Variants in ERBB4 observed in about 807,000 individuals in gnomAD.
ERBB4 encodes the protein erb-b2 receptor tyrosine kinase 4.
ERBB4 carries 42 observed loss-of-function variants against 158.0 expected under a neutral mutation model. The ratio of observed to expected loss-of-function variants is 0.27; its 90% CI spans 0.21 to 0.34. The LOEUF is 0.34. ERBB4 is among the 10% of genes least tolerant of loss of function. The pLI, the probability that ERBB4 is intolerant of heterozygous loss-of-function variation, is 1.00. For synonymous variants in ERBB4, 583 were observed against 558.7 expected, an observed-to-expected ratio of 1.04 and a Z score of -0.61; for missense variants, 1,333 against 1,624.1, an observed-to-expected ratio of 0.82 and a Z score of 3.08.
At chr2:212,398,605 G>C (rs1052958639) in intron 1 of ERBB4, among the ~76,000 whole-genome samples, 1 of 152,118 alleles carries the variant, frequency 6.6e-6, no homozygotes, top group Admixed American at 6.6e-5. Context: ...TTTATTGCTA[G>C]ATTTGCTTAT....
chr2:211,987,341 A>AAAAAAGAAAG (rs1215048952), intron 2 of ERBB4, among the ~76,000 whole-genome samples: 16 of 124,418 alleles, frequency 1.3e-4, no homozygotes, highest in South Asian at 2.8e-4. Flanking sequence ...AAAAAAAAAA[A>AAAAAAGAAAG]AAAGAAAGAA....
At chr2:212,042,929 T>G (rs1015607801) in intron 2 of ERBB4, among the ~76,000 whole-genome samples, 4 of 152,176 alleles carry the variant, frequency 2.6e-5, no homozygotes, top group Non-Finnish European at 5.9e-5. Flanking sequence ...AAAGTGGAAT[T>G]CATTTTACAA....
chr2:212,258,190 TA>T lies in ERBB4; in HGVS notation c.83-133288del, dbSNP rs1205122247. On this transcript the variant is annotated intron_variant, in intron 1 of 27. Transcript: ENST00000342788. ...TTTAAAAAAATTTCAAGGTTCTGAATACCCTAAAAGTATTAGATAATTTCAT... is the reference window on the plus strand; with the variant it reads ...TTTAAAAAAATTTCAAGGTTCTGAATCCCTAAAAGTATTAGATAATTTCAT... 3.2e-4 allele frequency among the ~76,000 whole-genome samples: 48 copies of T among 152,240 alleles called. 1 individual carries two copies. Among genetic ancestry groups the T allele is most frequent in the African/African-American group, 1.1e-3 (44 of 41,576 alleles).
At position 211,733,994 on chromosome 2, in the gene ERBB4, A is replaced by G. The variant is rs140871057; in HGVS notation, c.623-8800T>C. On this transcript the variant is annotated intron_variant, in intron 5 of 27. Transcript: ENST00000342788. ...GAGACTGAGGTTGCAGCGAGCTGAG[A>G]TCATGCCACTGTCCTCCAGCCTGGG... 5.9e-3 allele frequency among the ~76,000 whole-genome samples: 900 copies of G among 152,260 alleles called. 7 individuals are homozygous for G. The highest frequency in any genetic ancestry group is 0.01 in the Non-Finnish European group (698 of 68,012).
At chr2:211,512,301 T>C (rs777047192) in intron 20 of ERBB4, among the ~76,000 whole-genome samples, 6 of 152,112 alleles carry the variant, frequency 3.9e-5, no homozygotes, top group Non-Finnish European at 8.8e-5. Context: ...CCACCATTAA[T>C]GTCATCCTAT....
At chr2:211,606,781 A>G (rs550768281) in intron 19 of ERBB4, among the ~76,000 whole-genome samples, 1 of 152,320 alleles carries the variant, frequency 6.6e-6, no homozygotes, top group African/African-American at 2.4e-5. Flanking sequence ...TTCTTTCGTA[A>G]GAGTATAGTA....
At chr2:212,533,495 C>T (rs1384293) in intron 1 of ERBB4, among the ~76,000 whole-genome samples, 91,963 of 152,090 alleles carry the variant, frequency 0.6, 29,806 homozygotes, top group African/African-American at 0.84. Context: ...AATGTGACTA[C>T]GTCCCATGTC....
rs993229290 is a variant in ERBB4, at chr2:211,810,746, C to G, written c.422-22587G>C. On this transcript the variant is annotated intron_variant, in intron 3 of 27. Transcript: ENST00000342788. ...GGACTGCAGTGGCGCAATCTCGGCT[C>G]ACTGCAAGCTCCGCTTCCCGGGTTC... 1.0e-3 allele frequency among the ~76,000 whole-genome samples: 149 copies of G among 146,858 alleles called. 1 individual carries two copies. The highest frequency in any genetic ancestry group is 1.3e-4 in the Non-Finnish European group (9 of 67,294).
intron 20 of ERBB4, among the ~76,000 whole-genome samples, chr2:211,546,333 G>T (rs1409433833): frequency 6.6e-6 from 1 of 152,006 alleles, no homozygotes; most frequent in African/African-American, 2.4e-5. Context: ...ATATTTATGT[G>T]TATATGCATG....
intron 1 of ERBB4, among the ~76,000 whole-genome samples, chr2:212,455,965 T>A (rs1688269765): frequency 6.6e-6 from 1 of 152,106 alleles, no homozygotes; most frequent in African/African-American, 2.4e-5. Flanking sequence ...TTTAACGTAA[T>A]GGCTTCTTCC....
At chr2:211,945,615 A>G (rs1489520893) in intron 3 of ERBB4, among the ~76,000 whole-genome samples, 1 of 152,082 alleles carries the variant, frequency 6.6e-6, no homozygotes. Context: ...TAATAGTGTT[A>G]TATTTTGGTA....
At chr2:211,466,580 C>T (rs985812354) in intron 20 of ERBB4, among the ~76,000 whole-genome samples, 1 of 152,020 alleles carries the variant, frequency 6.6e-6, no homozygotes, top group African/African-American at 2.4e-5. Flanking sequence ...GTTCAGTATG[C>T]CTGAAACACT....
At chr2:212,148,643 A>G (rs1412192537) in intron 1 of ERBB4, among the ~76,000 whole-genome samples, 2 of 152,190 alleles carry the variant, frequency 1.3e-5, no homozygotes, top group Non-Finnish European at 2.9e-5. Context: ...GTTTAAGAAT[A>G]GTAAATAAAC....
chr2:212,020,561 T>C (rs2076626685), intron 2 of ERBB4, among the ~76,000 whole-genome samples: 1 of 152,134 alleles, frequency 6.6e-6, no homozygotes, highest in African/African-American at 2.4e-5. Context: ...CTTATATTTA[T>C]GTAAATCAAA....
intron 3 of ERBB4, among the ~76,000 whole-genome samples, chr2:211,881,697 T>G (rs1427953449): frequency 3.3e-5 from 5 of 151,990 alleles, no homozygotes; most frequent in Non-Finnish European, 7.4e-5. Context: ...CTCCACTAGC[T>G]CATCTATAAA....
At chr2:211,449,666 A>G (rs2064195119) in intron 20 of ERBB4, among the ~76,000 whole-genome samples, 1 of 152,218 alleles carries the variant, frequency 6.6e-6, no homozygotes, top group African/African-American at 2.4e-5. Context: ...GACAAGTTAT[A>G]AAACATAAAG....
chr2:211,866,318 G>A (rs2078205040), intron 3 of ERBB4, among the ~76,000 whole-genome samples: 1 of 152,084 alleles, frequency 6.6e-6, no homozygotes, highest in South Asian at 2.1e-4. Context: ...CTGAACTTAT[G>A]TCCTATCACT....
chr2:212,185,916 T>C lies in ERBB4; in HGVS notation c.83-61013A>G, dbSNP rs114701744. 6.5e-3 allele frequency among the ~76,000 whole-genome samples: 992 copies of C among 152,244 alleles called. 11 individuals are homozygous for C. The highest frequency in any genetic ancestry group is 0.023 in the African/African-American group (945 of 41,562). ...CCATTGTTCTAAAAATGCAAATACA[T>C]AAAAATTTCTTAGGCAGTTGTCTAA... On this transcript the variant is annotated intron_variant, in intron 1 of 27. Coordinates refer to ENST00000342788, the MANE Select transcript of ERBB4 (RefSeq NM_005235.3).
chr2:212,419,396 C>T (rs2091739627), intron 1 of ERBB4, among the ~76,000 whole-genome samples: 3 of 151,552 alleles, frequency 2.0e-5, no homozygotes, highest in Admixed American at 6.6e-5. Flanking sequence ...TATGTGGGTT[C>T]CAATAGACTG....
Sources: gnomAD v4.1 joint callset for allele counts (sites outside exome capture counted in the v4.1 genomes callset) on GRCh38, gnomAD v4.1.1 for gene constraint, MANE v1.5 for transcripts, NCBI Gene and HGNC (gene_info 2026-07-23, HGNC 2026-07-21) for gene names.